GOLT1A: variants seen among roughly 807,000 people sequenced by gnomAD.
GOLT1A encodes the protein golgi transport 1A.
GOLT1A carries 10 observed loss-of-function variants against 16.1 expected under a neutral mutation model. The observed-to-expected ratio is 0.62, with a 90% confidence interval of 0.38 to 1.05. The LOEUF (loss-of-function observed/expected upper bound fraction) is 1.05, where lower values mean the gene tolerates loss of function less well. Ranked by LOEUF, GOLT1A falls within the 50% of genes least tolerant of loss-of-function variation. The pLI, the probability that GOLT1A is intolerant of heterozygous loss-of-function variation, is 0.01. For synonymous variants in GOLT1A, 60 were observed against 67.9 expected (o/e 0.88, Z 0.57); for missense variants, 137 against 165.7 (o/e 0.83, Z 0.95).
intron 1 of GOLT1A, among the ~76,000 whole-genome samples, chr1:204,208,474 G>GCATATA (rs1553234643): frequency 3.2e-5 from 1 of 31,430 alleles, no homozygotes; most frequent in African/African-American, 8.7e-5. Flanking sequence ...GTGTGTGTGT[G>GCATATA]TGTATATATA....
At chr1:204,213,731 G>C in intron 1 of GOLT1A, 151 bp downstream of exon 1, 1 of 823,714 alleles carries the variant, frequency 1.2e-6, no homozygotes, top group Non-Finnish European at 1.9e-6. Context: ...ACCCCACCCT[G>C]CCTGCTGCCC....
intron 1 of GOLT1A, among the ~76,000 whole-genome samples, chr1:204,213,194 A>T (rs1336604146): frequency 1.3e-5 from 2 of 152,164 alleles, no homozygotes; most frequent in Non-Finnish European, 2.9e-5. Context: ...TCCCCTCTCT[A>T]GAATGTAAGC....
chr1:204,212,405 C>T (rs1241655061), intron 1 of GOLT1A, among the ~76,000 whole-genome samples: 8 of 152,030 alleles, frequency 5.3e-5, no homozygotes, highest in Admixed American at 5.2e-4. Flanking sequence ...GAGGCTCAGG[C>T]AGGTGGATCA....
intron 3 of GOLT1A, among the ~76,000 whole-genome samples, chr1:204,200,503 T>A (rs1167115652): frequency 6.6e-6 from 1 of 151,354 alleles, no homozygotes; most frequent in Non-Finnish European, 1.5e-5. Context: ...TTTTTTTGTA[T>A]TTTTAGTAGA....
chr1:204,212,568 T>C (rs1262778537), intron 1 of GOLT1A, among the ~76,000 whole-genome samples: 3 of 136,450 alleles, frequency 2.2e-5, no homozygotes, highest in Non-Finnish European at 4.6e-5. Flanking sequence ...ACCCAGGAGG[T>C]GGAGGTTGCA....
At chr1:204,212,298 A>G (rs1010173675) in intron 1 of GOLT1A, among the ~76,000 whole-genome samples, 2 of 152,146 alleles carry the variant, frequency 1.3e-5, no homozygotes, top group African/African-American at 4.8e-5. Context: ...ACGCCCCGCT[A>G]ATCTCCTGCT....
At chr1:204,209,062 C>T (rs772944034) in intron 1 of GOLT1A, among the ~76,000 whole-genome samples, 10 of 152,214 alleles carry the variant, frequency 6.6e-5, no homozygotes, top group Non-Finnish European at 1.3e-4. Flanking sequence ...CTGTCTGGAA[C>T]AGCTCCTTGG....
chr1:204,213,845 C>G, intron 1 of GOLT1A, 37 bp downstream of exon 1: 2 of 1,609,630 alleles, frequency 1.2e-6, no homozygotes. Context: ...GGAGCCTGGC[C>G]TGGATAGCCC....
chr1:204,198,598 G>A (rs968616201), intron 4 of GOLT1A, 102 bp from the exon 5 acceptor site: 33 of 1,109,140 alleles, frequency 3.0e-5, no homozygotes, highest in Non-Finnish European at 3.6e-5. Flanking sequence ...TGTGCCAGGC[G>A]CAGATACGAG....
chr1:204,209,184 A>G (rs1413575695), intron 1 of GOLT1A, among the ~76,000 whole-genome samples: 1 of 152,218 alleles, frequency 6.6e-6, no homozygotes. Flanking sequence ...CAGGTTATGC[A>G]TCTTAGGCAG....
chr1:204,207,460 T>G (rs1311817023), intron 1 of GOLT1A, among the ~76,000 whole-genome samples: 1 of 152,202 alleles, frequency 6.6e-6, no homozygotes, highest in African/African-American at 2.4e-5. Context: ...CTCCTTGCTC[T>G]GCAACTCCCG....
intron 1 of GOLT1A, among the ~76,000 whole-genome samples, chr1:204,205,944 T>C (rs749439793): frequency 3.9e-5 from 6 of 151,958 alleles, no homozygotes; most frequent in Non-Finnish European, 8.8e-5. Flanking sequence ...GTGGCATGCG[T>C]CTCTAGTCCC....
At chr1:204,208,085 G>A (rs1459031501) in intron 1 of GOLT1A, among the ~76,000 whole-genome samples, 1 of 152,120 alleles carries the variant, frequency 6.6e-6, no homozygotes, top group Non-Finnish European at 1.5e-5. Context: ...TAGCCACTAT[G>A]GAAAACAGTG....
At chr1:204,207,803 C>A (rs146666913) in intron 1 of GOLT1A, among the ~76,000 whole-genome samples, 30 of 152,210 alleles carry the variant, frequency 2.0e-4, no homozygotes, top group African/African-American at 6.7e-4. Flanking sequence ...CCTCATCACC[C>A]CTGAATGCTC....
chr1:204,201,744 C>A lies in GOLT1A; in HGVS notation c.185G>T (p.Arg62Leu). The A allele has an allele frequency of 6.2e-7, 1 of 1,614,080 alleles. No individual in the cohort carries two copies. The change falls in exon 3 of 5, where the codon CGG (arginine) becomes CTG (leucine). Residue 62 changes from arginine (R) to leucine (L), a missense_variant. Arg to Leu is a moderately radical substitution (Grantham distance 102). Transcript: ENST00000308302. The stretch of plus-strand genomic sequence containing the variant: ...GAAGCTGGTTCCCTTGAGTTTGTGC[C>A]GTTGGAAGAAGAACCAAAAGGTCTT... ...LRKTFWFFFQ[R>L]HKLKGTSFLL...
Position 204,201,541 on chromosome 1 carries a change from A to G in GOLT1A, c.296+92T>C. The G allele has an allele frequency of 3.8e-6, 5 of 1,311,202 alleles. No individual in the cohort carries two copies. In the South Asian group the frequency reaches 4.1e-5, roughly 11 times the overall value. 81.2% of individuals were successfully genotyped at this position (1,311,202 alleles called of 1,614,324 possible). On this transcript the variant is annotated intron_variant, in intron 3 of 4. Coordinates refer to ENST00000308302, the MANE Select transcript of GOLT1A (RefSeq NM_198447.2). ...CCATGGTTCTCATCTCTTGCAGGAT[A>G]AAGTCCCAGCTTCTGCACTCCCTGC...
In GOLT1A at chr1:204,201,620, G is replaced by A. The variant is rs2102335505; in HGVS notation, c.296+13C>T. The A allele has an allele frequency of 6.2e-7, 1 of 1,613,752 alleles. No homozygotes were observed. The highest frequency in any genetic ancestry group is 8.5e-7 in the Non-Finnish European group (1 of 1,179,778). ...TGGTGGGTCTGTCCAGGGTTATAGG[G>A]ATTTGCACTCACTTAAAGAGGCTGA... On this transcript the variant is annotated intron_variant, in intron 3 of 4. Transcript: ENST00000308302.
Position 204,198,453 on chromosome 1 carries a change from G to C in GOLT1A, c.*5C>G. The C allele has an allele frequency of 2.5e-6, 4 of 1,613,532 alleles. No homozygotes were observed. Among genetic ancestry groups the C allele is most frequent in the Non-Finnish European group, 3.4e-6 (4 of 1,179,664 alleles). ...ATCCAAGTTCAAGGAGCTCATCTCTGTTTTTCAGACCATCGAGCTAGTGCC... is the reference window on the plus strand; with the variant it reads ...ATCCAAGTTCAAGGAGCTCATCTCTCTTTTTCAGACCATCGAGCTAGTGCC... On this transcript the variant is annotated 3_prime_UTR_variant, in exon 5 of 5. Transcript: ENST00000308302.
chr1:204,206,137 C>T (rs553126895), intron 1 of GOLT1A, among the ~76,000 whole-genome samples: 10 of 152,286 alleles, frequency 6.6e-5, no homozygotes, highest in African/African-American at 1.9e-4. Flanking sequence ...TGAAACCTTG[C>T]TCAACTCATA....
Sources: allele counts gnomAD v4.1 joint callset (sites outside exome capture counted in the v4.1 genomes callset), GRCh38; gene constraint gnomAD v4.1.1; transcripts MANE v1.5; gene names NCBI Gene and HGNC (gene_info 2026-07-23, HGNC 2026-07-21).